The following ATG3 variants were observed in gnomAD, a reference collection of about 807,000 sequenced individuals.
The protein encoded by ATG3 is ubiquitin-like-conjugating enzyme ATG3.
In ATG3, 25 loss-of-function variants were observed where a neutral mutation model predicts 50.7. The observed-to-expected ratio is 0.49, with a 90% CI of 0.36 to 0.69. The LOEUF (loss-of-function observed/expected upper bound fraction) is 0.69. Among genes scored for constraint, ATG3 ranks in the 30% least tolerant of loss-of-function variants. The pLI is 0.00. For synonymous variants in ATG3, 119 were observed against 125.5 expected, an observed-to-expected ratio of 0.95 and a Z score of 0.34; for missense variants, 281 against 376.0, an observed-to-expected ratio of 0.75 and a Z score of 2.09.
intron 3 of ATG3, 23 bp from the exon 4 acceptor site, chr3:112,550,285 C>A: frequency 6.4e-7 from 1 of 1,557,686 alleles, no homozygotes; most frequent in Non-Finnish European, 8.8e-7. Context: ...TGAAAAGCAC[C>A]AAAATACAAA....
chr3:112,537,534 T>C, intron 9 of ATG3: 1 of 411,652 alleles, frequency 2.4e-6, no homozygotes, highest in Non-Finnish European at 4.2e-6. Flanking sequence ...GTTTATGTCT[T>C]AGCATTATTG....
In ATG3 at chr3:112,550,250, T is replaced by C. The variant is rs776267411; in HGVS notation, c.177A>G (p.Glu59=). The change falls in exon 4 of 12, where the codon GAA becomes GAG. Residue 59 remains glutamate (E), a synonymous_variant. Coordinates refer to ENST00000283290, the MANE Select transcript of ATG3 (RefSeq NM_022488.5). The part of the protein sequence containing the change: ...HCPTWQWATG[E]ELKVKAYLPT... ...GTAGGTATGCCTTCACTTTCAATTC[T>C]TCCCCTGTAGCCCTTTAAAAACAGT... The C allele has an allele frequency of 1.2e-6, 2 of 1,612,818 alleles. No individual in the cohort carries two copies. The highest frequency in any genetic ancestry group is 1.7e-6 in the Non-Finnish European group (2 of 1,179,478).
chr3:112,533,029 C>T, intron 11 of ATG3: 1 of 1,113,794 alleles, frequency 9.0e-7, no homozygotes, highest in Non-Finnish European at 1.1e-6. Flanking sequence ...CATATAAGCA[C>T]AATTACTTTG....
At chr3:112,532,897 T>C (rs2082566280) in intron 11 of ATG3, 117 bp from the exon 12 acceptor site, 4 of 1,323,820 alleles carry the variant, frequency 3.0e-6, no homozygotes, top group South Asian at 2.0e-5. Context: ...CACAAAATCT[T>C]AAATTAAGTC....
At chr3:112,553,994 C>T (rs960384233) in intron 2 of ATG3, among the ~76,000 whole-genome samples, 3 of 152,162 alleles carry the variant, frequency 2.0e-5, no homozygotes, top group Non-Finnish European at 2.9e-5. Flanking sequence ...ACTTCCTAAG[C>T]GGGCTGAATA....
At chr3:112,549,798 C>CAAAAAAAAAA (rs71631400) in intron 4 of ATG3, among the ~76,000 whole-genome samples, 1 of 116,800 alleles carries the variant, frequency 8.6e-6, no homozygotes, top group Non-Finnish European at 1.7e-5. Context: ...TCAAAACAAC[C>CAAAAAAAAAA]AAAAAAAAAA....
intron 5 of ATG3, 67 bp from the exon 6 acceptor site, chr3:112,544,173 G>T: frequency 1.5e-6 from 2 of 1,307,828 alleles, no homozygotes; most frequent in South Asian, 1.3e-5. Context: ...ACTTATTAAA[G>T]CAATATAAAA....
intron 4 of ATG3, among the ~76,000 whole-genome samples, 180 bp downstream of exon 4, chr3:112,550,012 C>CT (rs1181471328): frequency 2.6e-5 from 4 of 152,092 alleles, no homozygotes; most frequent in African/African-American, 7.2e-5. Context: ...ACTTAGAAGT[C>CT]TAACTTTCCT....
chr3:112,543,917 C>T (rs538756610), intron 6 of ATG3, 140 bp downstream of exon 6: 97 of 548,630 alleles, frequency 1.8e-4, no homozygotes, highest in Non-Finnish European at 2.5e-4. Flanking sequence ...AAGAAAACAG[C>T]TGGAATTTAA....
At position 112,550,282 on chromosome 3, in the gene ATG3, C is replaced by G. The variant is rs1247783329; in HGVS notation, c.165-20G>C. 2 of 1,574,010 alleles carry G rather than the reference C, an allele frequency of 1.3e-6. No individual in the cohort carries two copies. Among genetic ancestry groups the G allele is most frequent in the Admixed American group, 3.4e-5 (2 of 58,566 alleles). Reference sequence around the variant, plus strand: ...GTAGCCCTTTAAAAACAGTGAAAAGCACCAAAATACAAAACATATTTTAAT... The same window carrying G: ...GTAGCCCTTTAAAAACAGTGAAAAGGACCAAAATACAAAACATATTTTAAT... On this transcript the variant is annotated intron_variant, in intron 3 of 11. Coordinates refer to ENST00000283290, the MANE Select transcript of ATG3 (RefSeq NM_022488.5).
intron 6 of ATG3, 49 bp downstream of exon 6, chr3:112,544,008 G>A (rs750040936): frequency 7.3e-7 from 1 of 1,368,640 alleles, no homozygotes; most frequent in South Asian, 1.2e-5. Flanking sequence ...TAGATAGATA[G>A]GCAAATAACT....
intron 1 of ATG3, among the ~76,000 whole-genome samples, chr3:112,558,687 A>G (rs574423447): frequency 2.0e-5 from 3 of 152,190 alleles, no homozygotes; most frequent in Non-Finnish European, 4.4e-5. Context: ...AAATAATTAT[A>G]ATACTATCAG....
chr3:112,555,616 T>C (rs1453921759), intron 2 of ATG3, among the ~76,000 whole-genome samples: 1 of 152,334 alleles, frequency 6.6e-6, no homozygotes, highest in East Asian at 1.9e-4. Context: ...AACAAAAAGA[T>C]AGCTGATGTC....
At chr3:112,555,332 T>C (rs1033665831) in intron 2 of ATG3, among the ~76,000 whole-genome samples, 1 of 152,230 alleles carries the variant, frequency 6.6e-6, no homozygotes, top group Admixed American at 6.5e-5. Flanking sequence ...TTCTAAATGA[T>C]CAATATTGCT....
chr3:112,560,394 A>T (rs1225106628), intron 1 of ATG3, among the ~76,000 whole-genome samples: 3 of 152,216 alleles, frequency 2.0e-5, no homozygotes, highest in Admixed American at 6.5e-5. Context: ...TTTATTTCTT[A>T]CTTGGCCAAT....
intron 4 of ATG3, among the ~76,000 whole-genome samples, chr3:112,549,307 AT>A (rs141036983): frequency 7.2e-5 from 11 of 152,118 alleles, no homozygotes; most frequent in South Asian, 2.1e-4. Context: ...TAATCTCCTG[AT>A]TTTTTTAAAA....
chr3:112,538,322 A>C (rs917216957), intron 7 of ATG3, 142 bp from the exon 8 acceptor site: 1 of 629,076 alleles, frequency 1.6e-6, no homozygotes, highest in South Asian at 2.2e-5. Flanking sequence ...ATAGATAGAT[A>C]TAAGTGAGCT....
Position 112,532,576 on chromosome 3 carries a change from A to G in ATG3, c.*123T>C. The stretch of plus-strand genomic sequence containing the variant: ...TGGAACATATTTTTATTTAATGCAT[A>G]AACATATAAGTCCCTTATTAGAGAA... On this transcript the variant is annotated 3_prime_UTR_variant, in exon 12 of 12. Transcript: ENST00000283290. The G allele has an allele frequency of 1.6e-6, 1 of 622,452 alleles. No individual in the cohort carries two copies. The highest frequency in any genetic ancestry group is 3.3e-5 in the East Asian group (1 of 30,076). The allele number at this position is 622,452 out of a possible 1,614,324, so 38.6% of individuals were successfully genotyped here.
At chr3:112,549,284 A>C (rs1444556632) in intron 4 of ATG3, among the ~76,000 whole-genome samples, 1 of 150,306 alleles carries the variant, frequency 6.7e-6, no homozygotes, top group East Asian at 1.9e-4. Context: ...TATAAGGTCA[A>C]CAAATTGCTT....
Sources: allele counts gnomAD v4.1 joint callset (sites outside exome capture counted in the v4.1 genomes callset), GRCh38; gene constraint gnomAD v4.1.1; transcripts MANE v1.5; gene names NCBI Gene and HGNC (gene_info 2026-07-23, HGNC 2026-07-21).